GRID2: variants seen among roughly 807,000 people sequenced by gnomAD.
GRID2 encodes the protein glutamate ionotropic receptor delta type subunit 2, also known as glutamate receptor ionotropic, delta-2.
In GRID2, 33 loss-of-function variants were observed where a neutral mutation model predicts 114.8. The observed-to-expected ratio is 0.29, with a 90% CI of 0.22 to 0.38. The LOEUF (loss-of-function observed/expected upper bound fraction) is 0.38, where lower values mean the gene tolerates loss of function less well. GRID2 is among the 10% of genes least tolerant of loss of function. The pLI is 1.00. For missense variants in GRID2, 1,184 were observed against 1,257.7 expected (o/e 0.94, Z 0.89); for synonymous variants, 505 against 449.9 (o/e 1.12, Z -1.55).
At chr4:92,440,991 G>A (rs62312200) in intron 1 of GRID2, among the ~76,000 whole-genome samples, 21,130 of 151,470 alleles carry the variant, frequency 0.14, 1,723 homozygotes, top group Middle Eastern at 0.21. Context: ...TAGAGAGTGA[G>A]TTGAGCATAG....
chr4:93,559,456 T>C (rs1229979527), intron 13 of GRID2, among the ~76,000 whole-genome samples: 1 of 152,118 alleles, frequency 6.6e-6, no homozygotes. Context: ...GACATTTATG[T>C]GGACAACAAA....
chr4:92,857,061 G>A (rs1399733169), intron 2 of GRID2, among the ~76,000 whole-genome samples: 3 of 152,176 alleles, frequency 2.0e-5, no homozygotes, highest in South Asian at 2.1e-4. Flanking sequence ...CATTAACCAC[G>A]CCCATATGAT....
intron 14 of GRID2, among the ~76,000 whole-genome samples, chr4:93,686,528 A>G (rs1340222334): frequency 6.6e-6 from 1 of 151,954 alleles, no homozygotes; most frequent in Non-Finnish European, 1.5e-5. Flanking sequence ...TGGAACTTGC[A>G]TTTCAGTGGT....
At chr4:93,270,369 A>T (rs1057243710) in intron 8 of GRID2, among the ~76,000 whole-genome samples, 1 of 152,168 alleles carries the variant, frequency 6.6e-6, no homozygotes, top group African/African-American at 2.4e-5. Context: ...ATAAAATTCT[A>T]AAATGAAAAA....
chr4:93,413,602 A>G (rs182083043), intron 9 of GRID2, among the ~76,000 whole-genome samples: 2 of 152,178 alleles, frequency 1.3e-5, no homozygotes, highest in Non-Finnish European at 2.9e-5. Context: ...CAATAAATTA[A>G]ATAGTTCTTG....
chr4:92,595,864 A>T (rs1347489008), intron 2 of GRID2, among the ~76,000 whole-genome samples: 1 of 152,148 alleles, frequency 6.6e-6, no homozygotes, highest in Non-Finnish European at 1.5e-5. Context: ...CATTGATTAA[A>T]TCTAAATAGT....
chr4:93,026,023 A>G (rs1415662022), intron 2 of GRID2, among the ~76,000 whole-genome samples: 2 of 151,810 alleles, frequency 1.3e-5, no homozygotes, highest in Non-Finnish European at 3.0e-5. Flanking sequence ...AAGTAGGGAA[A>G]GTTGATAATT....
chr4:93,006,380 G>A (rs1382604984), intron 2 of GRID2, among the ~76,000 whole-genome samples: 1 of 151,964 alleles, frequency 6.6e-6, no homozygotes, highest in Non-Finnish European at 1.5e-5. Flanking sequence ...GAATCCCATA[G>A]TGATACTGAG....
intron 4 of GRID2, among the ~76,000 whole-genome samples, chr4:93,123,153 A>G (rs186348932): frequency 1.3e-5 from 2 of 152,188 alleles, no homozygotes; most frequent in African/African-American, 2.4e-5. Context: ...GACTTGGGAC[A>G]CTGATATTGG....
intron 2 of GRID2, among the ~76,000 whole-genome samples, chr4:93,043,282 G>A (rs1205457268): frequency 6.6e-6 from 1 of 152,154 alleles, no homozygotes; most frequent in African/African-American, 2.4e-5. Context: ...TTTGATACTT[G>A]CTGATTGACC....
chr4:93,334,304 G>A lies in GRID2; in HGVS notation c.1246-61303G>A, dbSNP rs560434201. 7.9e-5 allele frequency among the ~76,000 whole-genome samples: 12 copies of A among 152,076 alleles called. No individual in the cohort carries two copies. The South Asian group carries it at 2.1e-3, about 26-fold the overall frequency. On this transcript the variant is annotated intron_variant, in intron 8 of 15. Transcript: ENST00000282020. ...GTAGACAGTGTTAGGACTCTAAATC[G>A]TTTTGAAACTGAATGCCAGACCTCC...
At chr4:93,377,648 T>G (rs549982073) in intron 8 of GRID2, among the ~76,000 whole-genome samples, 1 of 152,326 alleles carries the variant, frequency 6.6e-6, no homozygotes, top group South Asian at 2.1e-4. Context: ...ACCAAATATA[T>G]TTCAAAATAT....
At chr4:93,063,531 C>T (rs1727995318) in intron 2 of GRID2, among the ~76,000 whole-genome samples, 1 of 151,808 alleles carries the variant, frequency 6.6e-6, no homozygotes, top group South Asian at 2.1e-4. Flanking sequence ...TAGAGTAAAA[C>T]ATAAGAAATG....
At chr4:93,030,843 A>T (rs1437138248) in intron 2 of GRID2, among the ~76,000 whole-genome samples, 2 of 151,824 alleles carry the variant, frequency 1.3e-5, no homozygotes, top group African/African-American at 2.4e-5. Flanking sequence ...AGAGGAGAAG[A>T]GTGGTGAGAA....
At chr4:93,316,582 T>A (rs1271338087) in intron 8 of GRID2, among the ~76,000 whole-genome samples, 1 of 152,178 alleles carries the variant, frequency 6.6e-6, no homozygotes, top group Non-Finnish European at 1.5e-5. Flanking sequence ...TAAGTAGGCA[T>A]GTGCTTAGAG....
chr4:92,739,713 T>C (rs1378278563), intron 2 of GRID2, among the ~76,000 whole-genome samples: 2 of 152,054 alleles, frequency 1.3e-5, no homozygotes, highest in East Asian at 1.9e-4. Context: ...TGTAATAACA[T>C]TGAAAATAAG....
chr4:93,214,970 G>C (rs1221901156), intron 5 of GRID2, among the ~76,000 whole-genome samples: 1 of 151,996 alleles, frequency 6.6e-6, no homozygotes, highest in Non-Finnish European at 1.5e-5. Flanking sequence ...CCTATGAGTA[G>C]AGTATTATGA....
chr4:92,420,932 G>A lies in GRID2; in HGVS notation c.88+116188G>A, dbSNP rs149448542. Among the ~76,000 whole-genome samples, 690 of 152,188 alleles carry A rather than the reference G, an allele frequency of 4.5e-3. 6 individuals are homozygous for A. The highest frequency in any genetic ancestry group is 0.014 in the African/African-American group (600 of 41,540). ...ACTCCTAGCCTCAAGTGATCTGCCT[G>A]CCTCAGCTTCCAAAAGTTCTGGGAT... On this transcript the variant is annotated intron_variant, in intron 1 of 15. Coordinates refer to ENST00000282020, the MANE Select transcript of GRID2 (RefSeq NM_001510.4).
intron 1 of GRID2, among the ~76,000 whole-genome samples, chr4:92,465,683 T>C (rs962792853): frequency 5.9e-5 from 9 of 152,106 alleles, no homozygotes; most frequent in Admixed American, 2.6e-4. Context: ...CATCATCTCA[T>C]TTGTTTGAAA....
Sources: gnomAD v4.1 joint callset for allele counts (sites outside exome capture counted in the v4.1 genomes callset) on GRCh38, gnomAD v4.1.1 for gene constraint, MANE v1.5 for transcripts, NCBI Gene and HGNC (gene_info 2026-07-23, HGNC 2026-07-21) for gene names.